USP48: variants seen among roughly 807,000 people sequenced by gnomAD.
USP48 encodes ubiquitin carboxyl-terminal hydrolase 48.
In USP48, 43 loss-of-function variants were observed where a neutral mutation model predicts 150.7. The observed-to-expected ratio is 0.29, with a 90% CI of 0.22 to 0.37. USP48 has a LOEUF of 0.37. Ranked by LOEUF, USP48 falls within the 10% of genes least tolerant of loss-of-function variation. USP48 has a pLI of 1.00. For synonymous variants in USP48, 396 were observed against 425.9 expected (o/e 0.93, Z 0.86); for missense variants, 813 against 1,249.6 (o/e 0.65, Z 5.27).
intron 9 of USP48, among the ~76,000 whole-genome samples, chr1:21,730,591 G>A (rs986032662): frequency 2.0e-5 from 3 of 151,786 alleles, no homozygotes; most frequent in African/African-American, 7.3e-5. Flanking sequence ...CTATTCGGGA[G>A]CCTGAGGCAG....
chr1:21,737,503 T>A lies in USP48; in HGVS notation c.992-878A>T, dbSNP rs550057358. On this transcript the variant is annotated intron_variant, in intron 8 of 26. Transcript: ENST00000308271. ...TATACATACATCAAAATATTGACAATAAATGAACATTTACATTTCAAAGTG... is the reference window on the plus strand; with the variant it reads ...TATACATACATCAAAATATTGACAAAAAATGAACATTTACATTTCAAAGTG... 2.6e-5 allele frequency among the ~76,000 whole-genome samples: 4 copies of A among 152,264 alleles called. No individual in the cohort carries two copies. The South Asian group carries it at 8.3e-4, about 32-fold the overall frequency.
At chr1:21,691,575 C>T (rs1297012060) in intron 23 of USP48, among the ~76,000 whole-genome samples, 1 of 152,136 alleles carries the variant, frequency 6.6e-6, no homozygotes, top group Non-Finnish European at 1.5e-5. Context: ...GCAGAAGTTG[C>T]AGTAAGCCGA....
chr1:21,772,134 T>A (rs2097882560), intron 1 of USP48, among the ~76,000 whole-genome samples: 1 of 152,064 alleles, frequency 6.6e-6, no homozygotes, highest in Admixed American at 6.6e-5. Flanking sequence ...AAAGGTTGCA[T>A]AAAAGTAAAC....
intron 26 of USP48, 125 bp downstream of exon 26, chr1:21,680,683 A>C: frequency 1.0e-6 from 1 of 955,002 alleles, no homozygotes; most frequent in Non-Finnish European, 1.6e-6. Context: ...ATTTAACTAA[A>C]ATTAATTTCA....
At chr1:21,736,690 G>T in intron 8 of USP48, 65 bp from the exon 9 acceptor site, 3 of 1,283,318 alleles carry the variant, frequency 2.3e-6, no homozygotes, top group South Asian at 4.4e-5. Context: ...TCCTGAGCCT[G>T]AATTGTAATG....
chr1:21,775,166 C>T (rs979872711), intron 1 of USP48, among the ~76,000 whole-genome samples: 3 of 152,036 alleles, frequency 2.0e-5, no homozygotes, highest in African/African-American at 7.2e-5. Context: ...ATGGTCTTGG[C>T]TCACTGCAAC....
chr1:21,692,419 G>A (rs1479573895), intron 23 of USP48, among the ~76,000 whole-genome samples: 1 of 152,142 alleles, frequency 6.6e-6, no homozygotes, highest in African/African-American at 2.4e-5. Flanking sequence ...ACTTAACATG[G>A]ATAATGTCAC....
intron 2 of USP48, 21 bp downstream of exon 2, chr1:21,757,642 G>T: frequency 6.3e-7 from 1 of 1,599,674 alleles, no homozygotes; most frequent in Non-Finnish European, 8.5e-7. Context: ...TATAGCAATC[G>T]CTTAAAAAAT....
intron 25 of USP48, among the ~76,000 whole-genome samples, chr1:21,682,874 G>GAAAA (rs113666436): frequency 8.2e-6 from 1 of 121,804 alleles, no homozygotes. Context: ...CTCCATCTCA[G>GAAAA]AAAAAAAAAA....
chr1:21,688,836 C>T (rs562130066), intron 24 of USP48, among the ~76,000 whole-genome samples: 36 of 103,426 alleles, frequency 3.5e-4, no homozygotes, highest in Non-Finnish European at 5.8e-4. Flanking sequence ...CAGCGAGACT[C>T]CATCTCAAAA....
intron 12 of USP48, among the ~76,000 whole-genome samples, chr1:21,721,978 A>G (rs949197826): frequency 1.3e-5 from 2 of 152,234 alleles, no homozygotes; most frequent in African/African-American, 4.8e-5. Context: ...ACAATGAGAG[A>G]CAAAATGTTG....
At position 21,782,889 on chromosome 1, in the gene USP48, C is replaced by A; in HGVS notation, c.69G>T (p.Val23=). The A allele has an allele frequency of 6.4e-7, 1 of 1,556,344 alleles. No homozygotes were observed. The highest frequency in any genetic ancestry group is 1.9e-5 in the Admixed American group (1 of 51,954). The change falls in exon 1 of 27, where the codon GTG becomes GTT. Residue 23 remains valine (V), a synonymous_variant. Coordinates refer to ENST00000308271, the MANE Select transcript of USP48 (RefSeq NM_032236.8). Reference sequence around the variant, plus strand: ...AAGCGGTCTCGATGTGCTCCTGCGACACCTCCTCGGGCCGCACCGTCTCCG... The same window carrying A: ...AAGCGGTCTCGATGTGCTCCTGCGAAACCTCCTCGGGCCGCACCGTCTCCG... The part of the protein sequence containing the change: ...RWAETVRPEE[V]SQEHIETAYR...
intron 14 of USP48, among the ~76,000 whole-genome samples, chr1:21,715,897 C>T (rs957510795): frequency 5.9e-5 from 9 of 152,084 alleles, no homozygotes; most frequent in Admixed American, 5.9e-4. Context: ...CAGAGTACTC[C>T]CCGCTGATCA....
chr1:21,752,846 C>A, intron 4 of USP48, 146 bp downstream of exon 4: 1 of 1,242,684 alleles, frequency 8.0e-7, no homozygotes, highest in Non-Finnish European at 1.1e-6. Context: ...AATGTGTAAA[C>A]TATTGGACAG....
At chr1:21,715,592 T>C (rs1265607121) in intron 14 of USP48, 135 bp from the exon 15 acceptor site, 4 of 459,790 alleles carry the variant, frequency 8.7e-6, no homozygotes, top group East Asian at 3.6e-5. Context: ...ATGTGATTCC[T>C]ACACAGTTCT....
chr1:21,717,654 G>A (rs2097708475), intron 14 of USP48, among the ~76,000 whole-genome samples: 1 of 152,022 alleles, frequency 6.6e-6, no homozygotes, highest in Non-Finnish European at 1.5e-5. Context: ...TCCTATATCA[G>A]GCTGATAAAA....
chr1:21,729,879 T>C (rs2097752113), intron 9 of USP48, 47 bp from the exon 10 acceptor site: 2 of 1,612,540 alleles, frequency 1.2e-6, no homozygotes, highest in Non-Finnish European at 8.5e-7. Flanking sequence ...TGCCTAGAGT[T>C]TGTTTATTCT....
Position 21,701,527 on chromosome 1 carries a change from C to T in USP48, c.2698G>A (p.Asp900Asn), listed in dbSNP as rs754355363. ...TTAAAATCTGGATCTTTTTCTCCAT[C>T]TGGTTTAGCTTCTTCCTTGTCCTCC... ...TEEDKEEAKPDGEKDPDFNQS... is the reference protein window; with the variant it reads ...TEEDKEEAKPNGEKDPDFNQS... The change falls in exon 22 of 27, where the codon GAT becomes AAT. Residue 900 changes from aspartate (D) to asparagine (N), a missense_variant. Coordinates refer to ENST00000308271, the MANE Select transcript of USP48 (RefSeq NM_032236.8). The T allele has an allele frequency of 9.3e-6, 15 of 1,614,030 alleles. No individual in the cohort carries two copies. Among genetic ancestry groups the T allele is most frequent in the Non-Finnish European group, 1.3e-5 (15 of 1,179,932 alleles).
At chr1:21,726,248 T>C (rs2097736860) in intron 11 of USP48, among the ~76,000 whole-genome samples, 1 of 152,124 alleles carries the variant, frequency 6.6e-6, no homozygotes, top group Non-Finnish European at 1.5e-5. Context: ...TCTGCAGGAA[T>C]TCAAAGCCTA....
Sources: gnomAD v4.1 joint callset for allele counts (sites outside exome capture counted in the v4.1 genomes callset) on GRCh38, gnomAD v4.1.1 for gene constraint, MANE v1.5 for transcripts, NCBI Gene and HGNC (gene_info 2026-07-23, HGNC 2026-07-21) for gene names.